NKAIN3: variants seen among roughly 807,000 people sequenced by gnomAD.
NKAIN3 encodes sodium/potassium transporting ATPase interacting 3.
In NKAIN3, 25 loss-of-function variants were observed where a neutral mutation model predicts 30.2. The observed-to-expected ratio is 0.83, with a 90% CI of 0.60 to 1.16. The LOEUF (loss-of-function observed/expected upper bound fraction) is 1.16, where lower values mean the gene tolerates loss of function less well. Among genes scored for constraint, NKAIN3 ranks in the 50% most tolerant of loss-of-function variants. The pLI is 0.00. For synonymous variants in NKAIN3, 91 were observed against 89.6 expected (o/e 1.02, Z -0.09); for missense variants, 225 against 254.1 (o/e 0.89, Z 0.78).
chr8:62,263,653 T>C (rs1812517008), intron 1 of NKAIN3, among the ~76,000 whole-genome samples: 1 of 152,150 alleles, frequency 6.6e-6, no homozygotes. Context: ...ATTATGATAG[T>C]AGCCAAAAAT....
intron 1 of NKAIN3, among the ~76,000 whole-genome samples, chr8:62,351,462 C>G (rs1816176445): frequency 6.7e-6 from 1 of 149,394 alleles, no homozygotes; most frequent in African/African-American, 2.4e-5. Context: ...GATGTGGAAC[C>G]TGTAGATACG....
intron 1 of NKAIN3, among the ~76,000 whole-genome samples, chr8:62,446,352 T>C (rs903937032): frequency 4.6e-5 from 7 of 152,118 alleles, no homozygotes; most frequent in African/African-American, 1.4e-4. Flanking sequence ...TGGTTTTTTT[T>C]AGTTTTCAAC....
chr8:62,336,636 T>G (rs1054566110), intron 1 of NKAIN3, among the ~76,000 whole-genome samples: 4 of 151,938 alleles, frequency 2.6e-5, no homozygotes, highest in African/African-American at 9.7e-5. Context: ...CCCCAGGTAA[T>G]GGATTTTGTC....
At chr8:62,260,199 T>C (rs902098920) in intron 1 of NKAIN3, among the ~76,000 whole-genome samples, 1 of 152,096 alleles carries the variant, frequency 6.6e-6, no homozygotes, top group Non-Finnish European at 1.5e-5. Context: ...AATTTGGTAT[T>C]GATTAATATC....
intron 1 of NKAIN3, among the ~76,000 whole-genome samples, chr8:62,446,410 G>C (rs560865599): frequency 2.0e-5 from 3 of 151,930 alleles, no homozygotes; most frequent in Admixed American, 2.0e-4. Flanking sequence ...TAATTATTAA[G>C]CCTTGTGTAA....
chr8:62,968,895 G>A lies in NKAIN3; in HGVS notation c.*3488G>A, dbSNP rs145010435. ...TCAAAATCTAAGCAAGGGAGTTACAGGGAGGGTTAGAGAATTACCAAAGGA... is the reference window on the plus strand; with the variant it reads ...TCAAAATCTAAGCAAGGGAGTTACAAGGAGGGTTAGAGAATTACCAAAGGA... On this transcript the variant is annotated 3_prime_UTR_variant, in exon 7 of 7. Coordinates refer to ENST00000623646, the MANE Select transcript of NKAIN3 (RefSeq NM_001304533.3). Among the ~76,000 whole-genome samples the A allele has an allele frequency of 1.3e-5, 2 of 152,310 alleles. No individual in the cohort carries two copies. Among genetic ancestry groups the A allele is most frequent in the Non-Finnish European group, 2.9e-5 (2 of 68,022 alleles).
chr8:62,520,856 C>T (rs1808132486), intron 1 of NKAIN3, among the ~76,000 whole-genome samples: 1 of 151,744 alleles, frequency 6.6e-6, no homozygotes, highest in Non-Finnish European at 1.5e-5. Context: ...ATAGAAGTAA[C>T]TTTGAGAGAC....
chr8:62,842,311 TAA>T (rs1819555716), intron 4 of NKAIN3, among the ~76,000 whole-genome samples: 1 of 151,930 alleles, frequency 6.6e-6, no homozygotes, highest in Admixed American at 6.6e-5. Flanking sequence ...AATCAGAAGG[TAA>T]AAGACTTATA....
chr8:62,308,751 G>A lies in NKAIN3; in HGVS notation c.54+59624G>A, dbSNP rs551153545. Among the ~76,000 whole-genome samples the A allele has an allele frequency of 3.3e-5, 5 of 150,526 alleles. No homozygotes were observed. The South Asian group carries it at 1.0e-3, about 31-fold the overall frequency. ...GGTGACAAGCCAGCTACTGTAGAAAGGAAGGTACCATTAGCAGAGGTAGAG... is the reference window on the plus strand; with the variant it reads ...GGTGACAAGCCAGCTACTGTAGAAAAGAAGGTACCATTAGCAGAGGTAGAG... On this transcript the variant is annotated intron_variant, in intron 1 of 6. Transcript: ENST00000623646.
intron 3 of NKAIN3, among the ~76,000 whole-genome samples, chr8:62,669,448 T>C (rs754295967): frequency 3.9e-5 from 6 of 152,200 alleles, no homozygotes; most frequent in Non-Finnish European, 5.9e-5. Flanking sequence ...CAGGCCATGG[T>C]CACTCATATT....
intron 1 of NKAIN3, among the ~76,000 whole-genome samples, chr8:62,257,087 T>G (rs967820947): frequency 3.3e-5 from 5 of 152,206 alleles, no homozygotes; most frequent in Non-Finnish European, 7.3e-5. Flanking sequence ...CACGTATCAT[T>G]TTTTTGTGGC....
At chr8:62,839,558 GA>G (rs1341849212) in intron 4 of NKAIN3, among the ~76,000 whole-genome samples, 1 of 152,052 alleles carries the variant, frequency 6.6e-6, no homozygotes, top group Non-Finnish European at 1.5e-5. Flanking sequence ...TTTCAAACTA[GA>G]AGATCAAATA....
chr8:62,820,995 A>T (rs558768890), intron 4 of NKAIN3, among the ~76,000 whole-genome samples: 1 of 152,294 alleles, frequency 6.6e-6, no homozygotes, highest in South Asian at 2.1e-4. Flanking sequence ...GAGAATTTTA[A>T]TTAATGCTGA....
intron 5 of NKAIN3, among the ~76,000 whole-genome samples, chr8:62,937,958 G>C (rs1432049931): frequency 2.0e-5 from 3 of 151,986 alleles, no homozygotes; most frequent in Non-Finnish European, 4.4e-5. Flanking sequence ...CAACCTGTAT[G>C]ACACAGCAGA....
In NKAIN3 at chr8:62,248,958, C is replaced by G; in HGVS notation, c.-116C>G. The G allele has an allele frequency of 3.2e-6, 3 of 941,378 alleles. No homozygotes were observed. The highest frequency in any genetic ancestry group is 4.6e-6 in the Non-Finnish European group (3 of 656,682). The allele number at this position is 941,378 out of a possible 1,614,324, so 58.3% of individuals were successfully genotyped here. On this transcript the variant is annotated 5_prime_UTR_variant, in exon 1 of 7. Coordinates refer to ENST00000623646, the MANE Select transcript of NKAIN3 (RefSeq NM_001304533.3). ...GAGCCCTGGAGCCGCGAGCGGCGGC[C>G]GCGGGGCCGAGGAGCCTGGGCCGGG... is the stretch of plus-strand genomic sequence containing the variant.
chr8:62,545,154 G>C (rs1808966348), intron 1 of NKAIN3, among the ~76,000 whole-genome samples: 1 of 152,146 alleles, frequency 6.6e-6, no homozygotes, highest in Admixed American at 6.5e-5. Flanking sequence ...TATTTCCTAA[G>C]ATCCAAAAAT....
rs547508259 is a variant in NKAIN3 at position 62,349,021 on chromosome 8, G to A, written c.54+99894G>A. Among the ~76,000 whole-genome samples, 8 of 152,232 alleles carry A rather than the reference G, an allele frequency of 5.3e-5. 1 individual carries two copies. In the South Asian group the frequency reaches 1.7e-3, roughly 32 times the overall value. On this transcript the variant is annotated intron_variant, in intron 1 of 6. Transcript: ENST00000623646. ...AAGTGGCTGTGTAACCCTTGAGCAG[G>A]TCATTACACAAACATACCCTGACTT...
At chr8:62,341,229 T>C (rs1333425167) in intron 1 of NKAIN3, among the ~76,000 whole-genome samples, 1 of 152,022 alleles carries the variant, frequency 6.6e-6, no homozygotes, top group Non-Finnish European at 1.5e-5. Context: ...TGTTTTCAGG[T>C]ACTGTGATAG....
At chr8:62,829,463 C>T (rs73684095) in intron 4 of NKAIN3, among the ~76,000 whole-genome samples, 3,827 of 152,088 alleles carry the variant, frequency 0.025, 153 homozygotes, top group African/African-American at 0.087. Flanking sequence ...AAAAAAATAC[C>T]GTAAGCAAAC....
Sources: allele counts gnomAD v4.1 joint callset (sites outside exome capture counted in the v4.1 genomes callset), GRCh38; gene constraint gnomAD v4.1.1; transcripts MANE v1.5; gene names NCBI Gene and HGNC (gene_info 2026-07-23, HGNC 2026-07-21).